APBB2: variants seen among roughly 807,000 people sequenced by gnomAD.
APBB2 encodes the protein Fe65-like 1.
In APBB2, 38 loss-of-function variants were observed where a neutral mutation model predicts 82.5. The observed-to-expected ratio is 0.46, with a 90% CI of 0.36 to 0.60. The LOEUF (loss-of-function observed/expected upper bound fraction) is 0.60. Ranked by LOEUF, APBB2 falls within the 20% of genes least tolerant of loss-of-function variation. The pLI, the probability that APBB2 is intolerant of heterozygous loss-of-function variation, is 0.00. For synonymous variants in APBB2, 341 were observed against 368.2 expected, an observed-to-expected ratio of 0.93 and a Z score of 0.85; for missense variants, 772 against 972.3, an observed-to-expected ratio of 0.79 and a Z score of 2.74.
At chr4:41,198,610 C>T in intron 1 of APBB2, among the ~76,000 whole-genome samples, 210 of 152,246 alleles carry the variant, frequency 1.4e-3, no homozygotes, top group African/African-American at 4.9e-3. Context: ...AGGATTCAAA[C>T]GCAGGCCGAC....
chr4:41,163,799 T>A (rs753330417), intron 1 of APBB2, among the ~76,000 whole-genome samples: 1 of 152,222 alleles, frequency 6.6e-6, no homozygotes, highest in Non-Finnish European at 1.5e-5. Flanking sequence ...TCCACGTTAA[T>A]TCTATTTTTT....
At chr4:40,850,927 C>A (rs1237400684) in intron 12 of APBB2, among the ~76,000 whole-genome samples, 1 of 152,080 alleles carries the variant, frequency 6.6e-6, no homozygotes, top group Non-Finnish European at 1.5e-5. Flanking sequence ...GCCTGGGTAA[C>A]TGAGTGAGAC....
chr4:41,077,931 G>A (rs2153924037), intron 3 of APBB2, among the ~76,000 whole-genome samples: 1 of 152,290 alleles, frequency 6.6e-6, no homozygotes, highest in African/African-American at 2.4e-5. Context: ...AGAACCAAGA[G>A]ATGTGCCATT....
At chr4:41,187,353 T>G (rs1407675595) in intron 1 of APBB2, among the ~76,000 whole-genome samples, 1 of 152,210 alleles carries the variant, frequency 6.6e-6, no homozygotes, top group African/African-American at 2.4e-5. Context: ...ATAAGAGTCT[T>G]TTAAATTTGA....
intron 2 of APBB2, among the ~76,000 whole-genome samples, chr4:41,136,386 T>C (rs991921455): frequency 6.6e-6 from 1 of 152,190 alleles, no homozygotes; most frequent in African/African-American, 2.4e-5. Flanking sequence ...TCCAGGGACT[T>C]AGAGTTATAA....
chr4:41,127,808 G>A lies in APBB2; in HGVS notation c.-261+15179C>T, dbSNP rs1408442020. On this transcript the variant is annotated intron_variant, in intron 2 of 17. Coordinates refer to ENST00000508593, the MANE Select transcript of APBB2 (RefSeq NM_004307.2). The surrounding 1 kb of genome is among the most constrained non-coding windows in gnomAD (Gnocchi z 4.8). Reference sequence around the variant, plus strand: ...CCAGCCTGGCCAAAAGGCCAGGGGCGATGGCTCATGCTTGTAATCCCAGCA... The same window carrying A: ...CCAGCCTGGCCAAAAGGCCAGGGGCAATGGCTCATGCTTGTAATCCCAGCA... Among the ~76,000 whole-genome samples the A allele has an allele frequency of 6.6e-6, 1 of 151,922 alleles. No homozygotes were observed. The highest frequency in any genetic ancestry group is 2.4e-5 in the African/African-American group (1 of 41,350).
chr4:41,126,483 A>G (rs1754433472), intron 2 of APBB2, among the ~76,000 whole-genome samples: 1 of 152,204 alleles, frequency 6.6e-6, no homozygotes, highest in Non-Finnish European at 1.5e-5. Flanking sequence ...TGAGCATTCA[A>G]ACAGAAACAT....
intron 12 of APBB2, chr4:40,881,457 T>C: frequency 5.9e-6 from 5 of 852,344 alleles, no homozygotes; most frequent in Non-Finnish European, 7.1e-6. Flanking sequence ...CAGAGATAAC[T>C]TTCAGATTAG....
Position 40,929,652 on chromosome 4 carries a change from A to C in APBB2, c.1254+4804T>G, listed in dbSNP as rs530977917. Among the ~76,000 whole-genome samples, 19 of 152,344 alleles carry C rather than the reference A, an allele frequency of 1.2e-4. 1 individual carries two copies. The South Asian group carries it at 3.9e-3, about 32-fold the overall frequency. On this transcript the variant is annotated intron_variant, in intron 10 of 17. Coordinates refer to ENST00000508593, the MANE Select transcript of APBB2 (RefSeq NM_004307.2). The stretch of plus-strand genomic sequence containing the variant: ...GTAGTAGCTCACACACAATAAACTA[A>C]GATGAATAAATACAAATGACAAAGC...
rs1258469553 is a variant in APBB2, at chr4:41,014,078, C to T, written c.340G>A (p.Gly114Arg). The change falls in exon 6 of 18, where the codon GGG becomes AGG. Residue 114 changes from glycine (G) to arginine (R), a missense_variant. Coordinates refer to ENST00000508593, the MANE Select transcript of APBB2 (RefSeq NM_004307.2). ...ENQLRKAAEQ[G>R]QQDPNKNLSP... is the part of the protein sequence containing the mutation. ...AGGTTTTTGTTGGGGTCCTGCTGCC[C>T]TTGCTCTGCAGCCTTACGGAGCTGG... 6.2e-7 allele frequency: 1 copy of T among 1,614,196 alleles called. No individual in the cohort carries two copies. The highest frequency in any genetic ancestry group is 2.2e-5 in the East Asian group (1 of 44,886).
intron 1 of APBB2, among the ~76,000 whole-genome samples, chr4:41,165,459 T>C (rs1766262238): frequency 6.6e-6 from 1 of 152,202 alleles, no homozygotes; most frequent in African/African-American, 2.4e-5. Flanking sequence ...AGTACCCCGA[T>C]AGTTCTCAGA....
intron 2 of APBB2, among the ~76,000 whole-genome samples, chr4:41,102,656 T>C (rs1745890485): frequency 6.6e-6 from 1 of 152,230 alleles, no homozygotes; most frequent in Non-Finnish European, 1.5e-5. Context: ...CAGTGTGCTA[T>C]GAGCCACACC....
At chr4:41,037,450 AGAATTT>A (rs1360643074) in intron 4 of APBB2, among the ~76,000 whole-genome samples, 1 of 152,236 alleles carries the variant, frequency 6.6e-6, no homozygotes. Context: ...AACCATGTTT[AGAATTT>A]CCAGGGTTAG....
At chr4:41,176,948 CA>C (rs1769970589) in intron 1 of APBB2, among the ~76,000 whole-genome samples, 1 of 145,740 alleles carries the variant, frequency 6.9e-6, no homozygotes. Context: ...ATTTCACTGT[CA>C]AATATATTAC....
At chr4:40,983,195 G>A (rs756514687) in intron 6 of APBB2, among the ~76,000 whole-genome samples, 7 of 152,152 alleles carry the variant, frequency 4.6e-5, no homozygotes, top group East Asian at 1.9e-4. Context: ...GACTTGCCTC[G>A]GTTCATAGAA....
At chr4:40,861,309 C>T (rs950555199) in intron 12 of APBB2, among the ~76,000 whole-genome samples, 5 of 151,542 alleles carry the variant, frequency 3.3e-5, no homozygotes, top group Admixed American at 2.6e-4. Context: ...GAGATCACAC[C>T]GCTGCACTCC....
intron 1 of APBB2, among the ~76,000 whole-genome samples, chr4:41,189,006 AC>A (rs1773699099): frequency 6.6e-6 from 1 of 152,094 alleles, no homozygotes; most frequent in Admixed American, 6.6e-5. Context: ...CAACCTACAC[AC>A]CCCTTACAAT....
chr4:41,099,661 T>G (rs1016357765), intron 3 of APBB2, among the ~76,000 whole-genome samples: 1 of 152,202 alleles, frequency 6.6e-6, no homozygotes, highest in African/African-American at 2.4e-5. Context: ...TTTAATGCTT[T>G]CATAGAACTA....
intron 6 of APBB2, among the ~76,000 whole-genome samples, chr4:40,990,963 T>C (rs1290279073): frequency 6.7e-6 from 1 of 149,830 alleles, no homozygotes; most frequent in Non-Finnish European, 1.5e-5. Flanking sequence ...AGGGGTAAGA[T>C]TTACTCTGCT....
Sources: gnomAD v4.1 joint callset for allele counts (sites outside exome capture counted in the v4.1 genomes callset) on GRCh38, gnomAD v4.1.1 for gene constraint, Gnocchi (gnomAD v3.1) non-coding constraint, MANE v1.5 for transcripts, NCBI Gene and HGNC (gene_info 2026-07-23, HGNC 2026-07-21) for gene names.